Variants in ROR2 observed in about 807,000 individuals in gnomAD.
The protein encoded by ROR2 is tyrosine-protein kinase transmembrane receptor ROR2.
Under a neutral mutation model 74.9 loss-of-function variants are expected in ROR2, and 33 were observed. The observed-to-expected ratio is 0.44, with a 90% CI of 0.33 to 0.59. The LOEUF (loss-of-function observed/expected upper bound fraction) is 0.59. ROR2 is among the 20% of genes least tolerant of loss of function. The pLI is 0.02. For synonymous variants in ROR2, 586 were observed against 558.7 expected, an observed-to-expected ratio of 1.05 and a Z score of -0.69; for missense variants, 1,216 against 1,313.8, an observed-to-expected ratio of 0.93 and a Z score of 1.15.
At chr9:91,807,507 A>ACT (rs1474571028) in intron 1 of ROR2, among the ~76,000 whole-genome samples, 1 of 152,142 alleles carries the variant, frequency 6.6e-6, no homozygotes, top group Admixed American at 6.5e-5. Context: ...AATTAAACAA[A>ACT]CTCAAAGAGA....
chr9:91,759,026 T>A (rs1186438361), intron 2 of ROR2, among the ~76,000 whole-genome samples: 1 of 152,252 alleles, frequency 6.6e-6, no homozygotes, highest in South Asian at 2.1e-4. Context: ...AACAGATACA[T>A]CCATGTTCTG....
At chr9:91,861,397 T>C (rs552167791) in intron 1 of ROR2, among the ~76,000 whole-genome samples, 2 of 152,314 alleles carry the variant, frequency 1.3e-5, no homozygotes, top group East Asian at 1.9e-4. Context: ...ATGGTACTAG[T>C]ATAAAATTAA....
At chr9:91,837,141 G>GT (rs11296952) in intron 1 of ROR2, among the ~76,000 whole-genome samples, 5,145 of 150,234 alleles carry the variant, frequency 0.034, 136 homozygotes, top group African/African-American at 0.075. Context: ...ATTGCTTACT[G>GT]TTTTTTTTTT....
chr9:91,753,134 C>T (rs4372069), intron 4 of ROR2, among the ~76,000 whole-genome samples: 118,953 of 152,160 alleles, frequency 0.78, 46,638 homozygotes, highest in African/African-American at 0.85. Flanking sequence ...CCATCAGAAT[C>T]TTTCAAGGAA....
intron 1 of ROR2, among the ~76,000 whole-genome samples, chr9:91,947,087 T>C (rs1832031197): frequency 6.6e-6 from 1 of 151,952 alleles, no homozygotes; most frequent in Non-Finnish European, 1.5e-5. Context: ...AAAAAAAAGG[T>C]TTCACAATAA....
At chr9:91,947,122 C>T (rs1309677756) in intron 1 of ROR2, among the ~76,000 whole-genome samples, 1 of 152,170 alleles carries the variant, frequency 6.6e-6, no homozygotes, top group East Asian at 1.9e-4. Context: ...TTTAACATTG[C>T]CTTAAAAATC....
At position 91,950,120 on chromosome 9, in the gene ROR2, G is replaced by A; in HGVS notation, c.-157C>T. The A allele has an allele frequency of 2.4e-6, 1 of 419,630 alleles. No individual in the cohort carries two copies. The highest frequency in any genetic ancestry group is 2.1e-5 in the African/African-American group (1 of 47,408). 26.0% of individuals were successfully genotyped at this position (419,630 alleles called of 1,614,324 possible). On this transcript the variant is annotated 5_prime_UTR_variant, in exon 1 of 9. Transcript: ENST00000375708. ...GACCTCGTCGTCGTCCTCTTCTCCG[G>A]CCCGGATGCGCCGCTCGGCTCCGGC...
chr9:91,829,086 G>T (rs1376890792), intron 1 of ROR2, among the ~76,000 whole-genome samples: 1 of 152,134 alleles, frequency 6.6e-6, no homozygotes, highest in East Asian at 1.9e-4. Flanking sequence ...ATGACCTCAA[G>T]GTATAACTTA....
intron 4 of ROR2, among the ~76,000 whole-genome samples, chr9:91,740,269 C>G (rs905095190): frequency 1.3e-5 from 2 of 152,166 alleles, no homozygotes; most frequent in African/African-American, 4.8e-5. Context: ...AATATCCAGG[C>G]TGGGCGCGGT....
At chr9:91,918,098 C>T (rs1355333408) in intron 1 of ROR2, among the ~76,000 whole-genome samples, 1 of 151,988 alleles carries the variant, frequency 6.6e-6, no homozygotes, top group Admixed American at 6.6e-5. Context: ...GGTGAAACCC[C>T]GTCTCTACTA....
chr9:91,874,208 T>G lies in ROR2; in HGVS notation c.97+75659A>C, dbSNP rs191223510. On this transcript the variant is annotated intron_variant, in intron 1 of 8. Transcript: ENST00000375708. ...CACTCCACTGACATGAAACCCAATC[T>G]GCTTCAGAGCAGGATTACCCCAGTA... is the stretch of plus-strand genomic sequence containing the variant. Among the ~76,000 whole-genome samples the G allele has an allele frequency of 2.6e-3, 399 of 152,298 alleles. 3 individuals carry two copies. The highest frequency in any genetic ancestry group is 9.2e-3 in the African/African-American group (382 of 41,578).
intron 1 of ROR2, among the ~76,000 whole-genome samples, chr9:91,924,721 A>T (rs142274760): frequency 0.029 from 4,436 of 152,088 alleles, 102 homozygotes; most frequent in South Asian, 0.061. Context: ...GGAACCCAGG[A>T]GGCGGAGCTT....
intron 1 of ROR2, among the ~76,000 whole-genome samples, chr9:91,943,918 T>C (rs989658690): frequency 6.6e-6 from 1 of 152,194 alleles, no homozygotes; most frequent in Non-Finnish European, 1.5e-5. Context: ...AAAAGCCATA[T>C]ACGACAAGCC....
chr9:91,848,010 T>C (rs1828979606), intron 1 of ROR2, among the ~76,000 whole-genome samples: 1 of 152,168 alleles, frequency 6.6e-6, no homozygotes, highest in Admixed American at 6.5e-5. Context: ...TTGTGGAATC[T>C]TTCAGAGCAA....
intron 4 of ROR2, among the ~76,000 whole-genome samples, chr9:91,745,461 G>C (rs1317398829): frequency 1.4e-5 from 1 of 72,860 alleles, no homozygotes; most frequent in Non-Finnish European, 2.5e-5. Context: ...ATGGAGTTTT[G>C]CTCGTTGCCT....
intron 1 of ROR2, among the ~76,000 whole-genome samples, chr9:91,933,510 G>A (rs1411002058): frequency 1.3e-5 from 2 of 152,174 alleles, no homozygotes; most frequent in African/African-American, 2.4e-5. Flanking sequence ...TTGTTTTAAT[G>A]ACAGATACTA....
intron 1 of ROR2, among the ~76,000 whole-genome samples, chr9:91,916,015 C>A (rs1240316189): frequency 6.6e-6 from 1 of 152,194 alleles, no homozygotes; most frequent in Non-Finnish European, 1.5e-5. Flanking sequence ...GAGTGTTGCA[C>A]AATTCTAACA....
At position 91,723,900 on chromosome 9, in the gene ROR2, C is replaced by G. The variant is rs775582564; in HGVS notation, c.2594G>C (p.Gly865Ala). ...GTAGCCTGTGCTGGTGGAGCCACTGCCACTGTGGTGTGAGCTGGGCTTGGG... is the reference window on the plus strand; with the variant it reads ...GTAGCCTGTGCTGGTGGAGCCACTGGCACTGTGGTGTGAGCTGGGCTTGGG... ...MVPKPSSHHS[G>A]SGSTSTGYVT... The change falls in exon 9 of 9, where the codon GGC becomes GCC. Residue 865 changes from glycine to alanine, a missense_variant. By Grantham distance (60) the Gly-to-Ala change is moderately conservative. Transcript: ENST00000375708. The G allele has an allele frequency of 5.6e-6, 9 of 1,613,996 alleles. No homozygotes were observed. In the South Asian group the frequency reaches 9.9e-5, roughly 18 times the overall value.
At chr9:91,894,029 C>A (rs536943255) in intron 1 of ROR2, among the ~76,000 whole-genome samples, 1 of 152,272 alleles carries the variant, frequency 6.6e-6, no homozygotes, top group East Asian at 1.9e-4. Context: ...CTGCTGAAAG[C>A]CTTCCAAAAG....
Sources: gnomAD v4.1 joint callset for allele counts (sites outside exome capture counted in the v4.1 genomes callset) on GRCh38, gnomAD v4.1.1 for gene constraint, MANE v1.5 for transcripts, NCBI Gene and HGNC (gene_info 2026-07-23, HGNC 2026-07-21) for gene names.